Variants in SUSD6 observed in about 807,000 individuals in gnomAD.
SUSD6 encodes the protein sushi domain-containing protein 6.
In SUSD6, 16 loss-of-function variants were observed where a neutral mutation model predicts 28.4. That is an observed-to-expected ratio of 0.56 (90% CI 0.38 to 0.86). The LOEUF (loss-of-function observed/expected upper bound fraction) is 0.86. Among genes scored for constraint, SUSD6 ranks in the 40% least tolerant of loss-of-function variants. The pLI, the probability that SUSD6 is intolerant of heterozygous loss-of-function variation, is 0.00. For missense variants in SUSD6, 341 were observed against 384.2 expected, an observed-to-expected ratio of 0.89 and a Z score of 0.94; for synonymous variants, 147 against 159.6, an observed-to-expected ratio of 0.92 and a Z score of 0.59.
At chr14:69,694,413 A>C in intron 2 of SUSD6, among the ~76,000 whole-genome samples, 1 of 152,224 alleles carries the variant, frequency 6.6e-6, no homozygotes, top group Non-Finnish European at 1.5e-5. Context: ...CCAGTGGGTA[A>C]CTGTTGGAGC....
chr14:69,624,688 C>T (rs948962405), intron 1 of SUSD6, among the ~76,000 whole-genome samples: 11 of 152,158 alleles, frequency 7.2e-5, no homozygotes, highest in Admixed American at 6.5e-5. Flanking sequence ...CTCCCGACCT[C>T]AGGTGATCCA....
intron 2 of SUSD6, among the ~76,000 whole-genome samples, chr14:69,679,103 T>C (rs1246579616): frequency 6.6e-6 from 1 of 152,264 alleles, no homozygotes; most frequent in East Asian, 1.9e-4. Flanking sequence ...TGGAATCTCC[T>C]TAAGGCTTTA....
intron 2 of SUSD6, among the ~76,000 whole-genome samples, chr14:69,664,401 T>C (rs187080700): frequency 6.6e-6 from 1 of 152,302 alleles, no homozygotes; most frequent in East Asian, 1.9e-4. Flanking sequence ...AGTAAATAGT[T>C]TGCTAAATGA....
intron 2 of SUSD6, among the ~76,000 whole-genome samples, chr14:69,689,190 G>A (rs1184909330): frequency 6.6e-6 from 1 of 152,070 alleles, no homozygotes; most frequent in Admixed American, 6.5e-5. Flanking sequence ...TTCCCCATTG[G>A]ATTAATCCTT....
chr14:69,643,521 C>T (rs560446660), intron 1 of SUSD6, among the ~76,000 whole-genome samples: 1 of 152,330 alleles, frequency 6.6e-6, no homozygotes, highest in East Asian at 1.9e-4. Context: ...CACAAATACA[C>T]TTTGAGTCTT....
intron 1 of SUSD6, among the ~76,000 whole-genome samples, chr14:69,614,996 C>T (rs1884938275): frequency 1.3e-5 from 2 of 152,142 alleles, no homozygotes; most frequent in Non-Finnish European, 2.9e-5. Context: ...ATTTATTTTC[C>T]CTCTTCTTTC....
At chr14:69,708,592 G>A (rs1017317912) in intron 4 of SUSD6, 85 bp from the exon 5 acceptor site, 3 of 1,171,990 alleles carry the variant, frequency 2.6e-6, no homozygotes, top group Non-Finnish European at 3.6e-6. Flanking sequence ...CTCAAAAATG[G>A]TGGCGGCTGC....
Position 69,704,761 on chromosome 14 carries a change from C to G in SUSD6, c.458+19C>G. 6.2e-7 allele frequency: 1 copy of G among 1,611,220 alleles called. No homozygotes were observed. The highest frequency in any genetic ancestry group is 1.3e-5 in the African/African-American group (1 of 74,862). On this transcript the variant is annotated intron_variant, in intron 4 of 5. Coordinates refer to ENST00000342745, the MANE Select transcript of SUSD6 (RefSeq NM_014734.4). ...ATAGCAGGTGAGTCCAGTGGCAGAGCTGACATGAGACAGGCAGGTGCAAGC... is the reference window on the plus strand; with the variant it reads ...ATAGCAGGTGAGTCCAGTGGCAGAGGTGACATGAGACAGGCAGGTGCAAGC...
chr14:69,692,351 T>C (rs1341388843), intron 2 of SUSD6, among the ~76,000 whole-genome samples: 2 of 152,144 alleles, frequency 1.3e-5, no homozygotes, highest in African/African-American at 2.4e-5. Flanking sequence ...TTGGGGTAAA[T>C]TTTTTTCTGG....
At chr14:69,650,900 G>A (rs1885494768) in intron 1 of SUSD6, among the ~76,000 whole-genome samples, 1 of 152,230 alleles carries the variant, frequency 6.6e-6, no homozygotes, top group East Asian at 1.9e-4. Flanking sequence ...GCAATGCAGA[G>A]GGATATGGAT....
At chr14:69,692,281 C>A (rs925516376) in intron 2 of SUSD6, among the ~76,000 whole-genome samples, 1 of 152,194 alleles carries the variant, frequency 6.6e-6, no homozygotes. Context: ...CTTCTCCAAA[C>A]AGGAATTATA....
intron 1 of SUSD6, among the ~76,000 whole-genome samples, chr14:69,621,683 A>G (rs552850330): frequency 6.6e-6 from 1 of 152,348 alleles, no homozygotes; most frequent in East Asian, 1.9e-4. Flanking sequence ...AAATATATTT[A>G]GTATCCAGTG....
intron 2 of SUSD6, among the ~76,000 whole-genome samples, chr14:69,700,098 C>T (rs1249661516): frequency 6.6e-6 from 1 of 152,224 alleles, no homozygotes; most frequent in African/African-American, 2.4e-5. Context: ...CACCTGGCTT[C>T]CAGGTGGCCC....
chr14:69,703,378 T>G lies in SUSD6; in HGVS notation c.122-17T>G. The G allele has an allele frequency of 6.2e-7, 1 of 1,608,412 alleles. No homozygotes were observed. The highest frequency in any genetic ancestry group is 1.1e-5 in the South Asian group (1 of 90,790). ...ATACCTCACCACTGTACCCCTGCTC[T>G]CTCCCTGTCTTTGCAGTGTGCCCCC... On this transcript the variant is annotated splice_polypyrimidine_tract_variant and intron_variant, in intron 2 of 5. Transcript: ENST00000342745.
chr14:69,704,673 C>G lies in SUSD6; in HGVS notation c.389C>G (p.Ala130Gly), dbSNP rs1181073208. Reference sequence around the variant, plus strand: ...GTGGCTTCTACTGCCAGCTCCGTGGCGCTCATTCTCCTCCTCGTGGTGCTG... The same window carrying G: ...GTGGCTTCTACTGCCAGCTCCGTGGGGCTCATTCTCCTCCTCGTGGTGCTG... ...SIVASTASSV[A>G]LILLLVVLFV... The change falls in exon 4 of 6, where the codon GCG (alanine) becomes GGG (glycine). Residue 130 changes from alanine to glycine, a missense_variant. Transcript: ENST00000342745. The G allele has an allele frequency of 1.9e-6, 3 of 1,614,170 alleles. No individual in the cohort carries two copies. Among genetic ancestry groups the G allele is most frequent in the African/African-American group, 1.3e-5 (1 of 75,062 alleles).
chr14:69,668,607 C>T (rs1482034011), intron 2 of SUSD6, among the ~76,000 whole-genome samples: 1 of 149,222 alleles, frequency 6.7e-6, no homozygotes, highest in African/African-American at 2.5e-5. Context: ...TGCACTCCAG[C>T]CTGGGCAATA....
At chr14:69,676,608 G>A (rs965503703) in intron 2 of SUSD6, among the ~76,000 whole-genome samples, 1 of 152,090 alleles carries the variant, frequency 6.6e-6, no homozygotes, top group African/African-American at 2.4e-5. Flanking sequence ...TTGCCCAGGT[G>A]GGTCTTGAAC....
At chr14:69,645,407 GA>G (rs1407652344) in intron 1 of SUSD6, among the ~76,000 whole-genome samples, 1 of 152,252 alleles carries the variant, frequency 6.6e-6, no homozygotes, top group African/African-American at 2.4e-5. Flanking sequence ...GAATCCTATA[GA>G]AGAGGTAACA....
intron 2 of SUSD6, among the ~76,000 whole-genome samples, chr14:69,694,186 A>G (rs1886191209): frequency 6.6e-6 from 1 of 152,204 alleles, no homozygotes; most frequent in Non-Finnish European, 1.5e-5. Flanking sequence ...CCTGTGAGAA[A>G]ACCTGCAGAG....
Sources: allele counts gnomAD v4.1 joint callset (sites outside exome capture counted in the v4.1 genomes callset), GRCh38; gene constraint gnomAD v4.1.1; transcripts MANE v1.5; gene names NCBI Gene and HGNC (gene_info 2026-07-23, HGNC 2026-07-21).